SYCP2L: variants seen among roughly 807,000 people sequenced by gnomAD.
The protein encoded by SYCP2L is synaptonemal complex protein 2-like.
SYCP2L carries 98 observed loss-of-function variants against 125.8 expected under a neutral mutation model. That is an observed-to-expected ratio of 0.78 (90% CI 0.66 to 0.92). The LOEUF (loss-of-function observed/expected upper bound fraction) is 0.92, where lower values mean the gene tolerates loss of function less well. Among genes scored for constraint, SYCP2L ranks in the 40% least tolerant of loss-of-function variants. SYCP2L has a pLI of 0.00. For missense variants in SYCP2L, 842 were observed against 936.4 expected (o/e 0.90, Z 1.32); for synonymous variants, 317 against 325.4 (o/e 0.97, Z 0.28).
At chr6:10,936,029 T>TATGATTTTATTATTATTAATAAC (rs1363365677) in intron 21 of SYCP2L, among the ~76,000 whole-genome samples, 3 of 146,886 alleles carry the variant, frequency 2.0e-5, no homozygotes, top group Non-Finnish European at 4.6e-5. Flanking sequence ...TTGTTAATAA[T>TATGATTTTATTATTATTAATAAC]ATGATTTTAT....
intron 14 of SYCP2L, among the ~76,000 whole-genome samples, chr6:10,922,969 A>G (rs1208175719): frequency 6.6e-6 from 1 of 152,202 alleles, no homozygotes; most frequent in Non-Finnish European, 1.5e-5. Context: ...CATGTAATCA[A>G]TATTTTAAAA....
At chr6:10,920,553 G>C (rs1398672308) in intron 14 of SYCP2L, among the ~76,000 whole-genome samples, 5 of 152,166 alleles carry the variant, frequency 3.3e-5, no homozygotes, top group African/African-American at 1.2e-4. Context: ...AGTTAGATGA[G>C]CTTGCAGCAC....
chr6:10,931,138 T>A (rs756355022), intron 19 of SYCP2L, among the ~76,000 whole-genome samples: 1 of 152,250 alleles, frequency 6.6e-6, no homozygotes, highest in Non-Finnish European at 1.5e-5. Context: ...GCCACTGCAC[T>A]GCAGCTCAGG....
intron 2 of SYCP2L, among the ~76,000 whole-genome samples, chr6:10,893,273 C>T (rs1012286000): frequency 2.0e-5 from 3 of 152,238 alleles, no homozygotes; most frequent in African/African-American, 7.2e-5. Context: ...GCTGGGATTA[C>T]AGGCGTGCGC....
At position 10,927,294 on chromosome 6, in the gene SYCP2L, G is replaced by A. The variant is rs148074806; in HGVS notation, c.1367G>A (p.Arg456His). 3.2e-5 allele frequency: 51 copies of A among 1,614,162 alleles called. No individual in the cohort carries two copies. The highest frequency in any genetic ancestry group is 1.3e-4 in the East Asian group (6 of 44,882). Residue 456 changes from arginine to histidine, a missense_variant, in exon 17 of 30, where the codon CGC (arginine) becomes CAC (histidine). By Grantham distance (29) the Arg-to-His change is conservative. Transcript: ENST00000283141. ...GAGTTTATGAGTGCTGAAGATGACC[G>A]CTGCCTAATAACTCTCCACTTAAAT... The part of the protein sequence containing the change: ...MVEFMSAEDD[R>H]CLITLHLNDQ...
Position 10,907,892 on chromosome 6 carries a change from G to GTTTTTTTTTTTTTTGTTT in SYCP2L, c.819+222_819+223insGTTTTTTTTTTTTTTTTT, listed in dbSNP as rs1780527260. Among the ~76,000 whole-genome samples, 4 of 91,922 alleles carry GTTTTTTTTTTTTTTGTTT rather than the reference G, an allele frequency of 4.4e-5. 1 individual carries two copies. The highest frequency in any genetic ancestry group is 6.0e-5 in the Non-Finnish European group (3 of 49,680). The allele number at this position is 91,922 out of a possible 152,430, so 60.3% of individuals were successfully genotyped here. On this transcript the variant is annotated intron_variant, in intron 10 of 29. Coordinates refer to ENST00000283141, the MANE Select transcript of SYCP2L (RefSeq NM_001040274.3). ...GAGCTAGATATAGGGATACAGATAGGTTTTTTTTTTTTTTTTTTGACAGAG... is the reference window on the plus strand; with the variant it reads ...GAGCTAGATATAGGGATACAGATAGGTTTTTTTTTTTTTTGTTTTTTTTTTTTTTTTTTTTTGACAGAG...
At chr6:10,927,630 G>A (rs919939059) in intron 17 of SYCP2L, among the ~76,000 whole-genome samples, 2 of 152,170 alleles carry the variant, frequency 1.3e-5, no homozygotes, top group African/African-American at 4.8e-5. Context: ...GAGGCAGGGC[G>A]AGATCACAGG....
At chr6:10,903,302 G>A (rs190521173) in intron 8 of SYCP2L, among the ~76,000 whole-genome samples, 1,667 of 151,558 alleles carry the variant, frequency 0.011, 35 homozygotes, top group African/African-American at 0.038. Context: ...TAATCCCAGC[G>A]CTTTGGGAGG....
chr6:10,923,834 C>T (rs901858456), intron 14 of SYCP2L, among the ~76,000 whole-genome samples: 5 of 152,116 alleles, frequency 3.3e-5, no homozygotes, highest in African/African-American at 1.2e-4. Flanking sequence ...GAAGCACCCA[C>T]CACCACGCCC....
intron 29 of SYCP2L, among the ~76,000 whole-genome samples, chr6:10,968,549 TC>T: frequency 6.6e-6 from 1 of 152,028 alleles, no homozygotes; most frequent in East Asian, 1.9e-4. Context: ...AGTCAGGGTG[TC>T]AGGGGAGGTG....
chr6:10,936,752 A>T (rs1781102745), intron 21 of SYCP2L, among the ~76,000 whole-genome samples: 2 of 152,198 alleles, frequency 1.3e-5, no homozygotes, highest in South Asian at 4.1e-4. Flanking sequence ...GGTCGGAAAA[A>T]GATATTCCAT....
chr6:10,967,708 C>G (rs1581847746), intron 29 of SYCP2L, among the ~76,000 whole-genome samples: 1 of 152,022 alleles, frequency 6.6e-6, no homozygotes, highest in African/African-American at 2.4e-5. Flanking sequence ...TCTTAGAAAA[C>G]TAGGGATAGA....
At chr6:10,933,965 G>C (rs1043094553) in intron 20 of SYCP2L, among the ~76,000 whole-genome samples, 1 of 152,044 alleles carries the variant, frequency 6.6e-6, no homozygotes, top group African/African-American at 2.4e-5. Flanking sequence ...TTGAATCATT[G>C]ATCATTTAGG....
chr6:10,935,157 T>A lies in SYCP2L; in HGVS notation c.1783T>A (p.Leu595Met). The change falls in exon 21 of 30, where the codon TTG (leucine) becomes ATG (methionine). Residue 595 changes from leucine (L) to methionine (M), a missense_variant. Coordinates refer to ENST00000283141, the MANE Select transcript of SYCP2L (RefSeq NM_001040274.3). The part of the protein sequence containing the change: ...EQKFQDSFAF[L>M]TAEDSAQKTE... Reference sequence around the variant, plus strand: ...AAAATTCCAAGATAGTTTTGCTTTTTTGACTGCTGAAGATTCTGCCCAGAA... The same window carrying A: ...AAAATTCCAAGATAGTTTTGCTTTTATGACTGCTGAAGATTCTGCCCAGAA... The A allele has an allele frequency of 1.2e-6, 2 of 1,613,288 alleles. No individual in the cohort carries two copies. The highest frequency in any genetic ancestry group is 1.7e-6 in the Non-Finnish European group (2 of 1,179,700).
At chr6:10,914,344 T>G (rs1780654389) in intron 14 of SYCP2L, among the ~76,000 whole-genome samples, 1 of 152,232 alleles carries the variant, frequency 6.6e-6, no homozygotes, top group African/African-American at 2.4e-5. Flanking sequence ...GGGTTCTCTA[T>G]TCTGTTCCAT....
At chr6:10,938,101 T>C (rs942182055) in intron 21 of SYCP2L, among the ~76,000 whole-genome samples, 1 of 152,120 alleles carries the variant, frequency 6.6e-6, no homozygotes, top group African/African-American at 2.4e-5. Context: ...CAGATAAGAA[T>C]GCTACAAGAA....
chr6:10,913,070 T>G, intron 14 of SYCP2L, 143 bp downstream of exon 14: 2 of 672,128 alleles, frequency 3.0e-6, no homozygotes, highest in Non-Finnish European at 2.4e-6. Context: ...GAAGGTGCGC[T>G]GTCACAGGTT....
chr6:10,918,185 G>C (rs11489177), intron 14 of SYCP2L, among the ~76,000 whole-genome samples: 6,098 of 145,670 alleles, frequency 0.042, 439 homozygotes, highest in African/African-American at 0.15. Flanking sequence ...ACGACAGAGC[G>C]AGACTCCATC....
chr6:10,896,366 T>C (rs536493864), intron 4 of SYCP2L, among the ~76,000 whole-genome samples: 9 of 152,294 alleles, frequency 5.9e-5, no homozygotes, highest in South Asian at 2.1e-4. Flanking sequence ...TCCCAAGTAT[T>C]GATCAGATAG....
Sources: allele counts gnomAD v4.1 joint callset (sites outside exome capture counted in the v4.1 genomes callset), GRCh38; gene constraint gnomAD v4.1.1; transcripts MANE v1.5; gene names NCBI Gene and HGNC (gene_info 2026-07-23, HGNC 2026-07-21).